Variants in SND1 observed in about 807,000 individuals in gnomAD.
SND1 encodes staphylococcal nuclease domain-containing protein 1.
Under a neutral mutation model 121.7 loss-of-function variants are expected in SND1, and 38 were observed. The observed-to-expected ratio is 0.31, with a 90% CI of 0.24 to 0.41. SND1 has a LOEUF of 0.41. SND1 is among the 10% of genes least tolerant of loss of function. The pLI is 1.00. For missense variants in SND1, 868 were observed against 1,184.6 expected, an observed-to-expected ratio of 0.73 and a Z score of 3.92; for synonymous variants, 401 against 447.4, an observed-to-expected ratio of 0.90 and a Z score of 1.31.
rs577252022 is a variant in SND1 at position 127,868,642 on chromosome 7, G to A, written c.1344-19260G>A. Among the ~76,000 whole-genome samples, 4 of 152,184 alleles carry A rather than the reference G, an allele frequency of 2.6e-5. No individual in the cohort carries two copies. The South Asian group carries it at 8.3e-4, about 32-fold the overall frequency. On this transcript the variant is annotated intron_variant, in intron 12 of 23. Transcript: ENST00000354725. The stretch of plus-strand genomic sequence containing the variant: ...GAGGTCCTTCAGGTCAAGTTAGTCC[G>A]CTTGGTATGATAGAACAGAAAATAT...
chr7:127,818,107 T>C (rs745797588), intron 11 of SND1, among the ~76,000 whole-genome samples: 1 of 152,184 alleles, frequency 6.6e-6, no homozygotes, highest in South Asian at 2.1e-4. Context: ...CATACTGTTA[T>C]ATAATAATAT....
intron 11 of SND1, among the ~76,000 whole-genome samples, chr7:127,821,705 GA>G (rs1294818675): frequency 3.0e-5 from 3 of 99,726 alleles, no homozygotes; most frequent in Non-Finnish European, 5.9e-5. Flanking sequence ...AATAGATGTA[GA>G]AAGGATGTGT....
At chr7:127,705,627 A>T (rs1458067163) in intron 8 of SND1, among the ~76,000 whole-genome samples, 1 of 131,460 alleles carries the variant, frequency 7.6e-6, no homozygotes, top group Non-Finnish European at 1.7e-5. Context: ...GTAGATGTAG[A>T]TGTAGATGTA....
At chr7:127,812,618 A>C (rs1452488770) in intron 11 of SND1, among the ~76,000 whole-genome samples, 1 of 152,130 alleles carries the variant, frequency 6.6e-6, no homozygotes, top group Non-Finnish European at 1.5e-5. Flanking sequence ...GTTGAGGGGC[A>C]CTGTAGGTGC....
At chr7:127,834,436 C>T (rs1026968727) in intron 11 of SND1, among the ~76,000 whole-genome samples, 1 of 152,104 alleles carries the variant, frequency 6.6e-6, no homozygotes, top group Non-Finnish European at 1.5e-5. Flanking sequence ...CACTGTTTTC[C>T]AAAACAATGA....
intron 16 of SND1, among the ~76,000 whole-genome samples, chr7:128,034,786 C>T (rs912838849): frequency 6.6e-6 from 1 of 152,228 alleles, no homozygotes; most frequent in Non-Finnish European, 1.5e-5. Flanking sequence ...AACCTACTAA[C>T]TGGACTACAG....
At chr7:127,745,124 G>C (rs1796956504) in intron 10 of SND1, among the ~76,000 whole-genome samples, 1 of 152,140 alleles carries the variant, frequency 6.6e-6, no homozygotes, top group South Asian at 2.1e-4. Flanking sequence ...ATGGGGATAC[G>C]TTCTTGAGAA....
chr7:128,031,316 C>G (rs1178277214), intron 16 of SND1, among the ~76,000 whole-genome samples: 1 of 144,862 alleles, frequency 6.9e-6, no homozygotes. Context: ...CCGGCCCGCT[C>G]TGCGGGCCGC....
At chr7:127,861,268 A>C (rs1584625014) in intron 12 of SND1, among the ~76,000 whole-genome samples, 1 of 152,308 alleles carries the variant, frequency 6.6e-6, no homozygotes, top group Middle Eastern at 3.4e-3. Flanking sequence ...CTTTTCAGGG[A>C]GAGATGTAAA....
intron 15 of SND1, among the ~76,000 whole-genome samples, chr7:127,974,580 G>C (rs1802071009): frequency 1.3e-5 from 2 of 152,156 alleles, no homozygotes; most frequent in Non-Finnish European, 2.9e-5. Flanking sequence ...TTAGGTGATT[G>C]AGCTTCTTCA....
chr7:127,868,163 G>A (rs1489952253), intron 12 of SND1, among the ~76,000 whole-genome samples: 4 of 152,286 alleles, frequency 2.6e-5, no homozygotes, highest in Admixed American at 1.3e-4. Flanking sequence ...AGACCAAGGT[G>A]GGTGAATCAC....
chr7:127,923,974 C>G (rs1433653328), intron 14 of SND1, among the ~76,000 whole-genome samples: 1 of 145,304 alleles, frequency 6.9e-6, no homozygotes, highest in Non-Finnish European at 1.5e-5. Context: ...ACGATTCGTT[C>G]TGATCTCCAC....
At chr7:127,694,587 C>A in intron 2 of SND1, 1 of 441,582 alleles carries the variant, frequency 2.3e-6, no homozygotes, top group Non-Finnish European at 4.0e-6. Context: ...CTGGAAAACT[C>A]TGAGGCCTGT....
At chr7:127,910,571 A>G (rs1182779910) in intron 14 of SND1, among the ~76,000 whole-genome samples, 1 of 152,120 alleles carries the variant, frequency 6.6e-6, no homozygotes, top group Non-Finnish European at 1.5e-5. Flanking sequence ...TTTTTCTTAT[A>G]TGTTTTCTGG....
intron 15 of SND1, 92 bp from the exon 16 acceptor site, chr7:127,990,855 G>C: frequency 1.3e-6 from 1 of 769,842 alleles, no homozygotes; most frequent in Non-Finnish European, 2.2e-6. Context: ...TGTAACGCCT[G>C]CTTCACTGGA....
chr7:127,888,243 A>G (rs1446865949), intron 13 of SND1, among the ~76,000 whole-genome samples: 1 of 152,104 alleles, frequency 6.6e-6, no homozygotes, highest in African/African-American at 2.4e-5. Flanking sequence ...ATAGGTATAT[A>G]TTAGATATGA....
At chr7:128,009,362 A>T (rs1204134289) in intron 16 of SND1, among the ~76,000 whole-genome samples, 1 of 152,172 alleles carries the variant, frequency 6.6e-6, no homozygotes, top group Non-Finnish European at 1.5e-5. Context: ...AGAGTGAATT[A>T]TGGGACCCTC....
intron 2 of SND1, among the ~76,000 whole-genome samples, chr7:127,693,056 A>G (rs1177310518): frequency 6.6e-6 from 1 of 152,230 alleles, no homozygotes; most frequent in South Asian, 2.1e-4. Flanking sequence ...GGAAAGCTCT[A>G]TGTTACTGAA....
chr7:128,078,942 A>G (rs1408696153), intron 17 of SND1, among the ~76,000 whole-genome samples: 1 of 152,218 alleles, frequency 6.6e-6, no homozygotes, highest in Non-Finnish European at 1.5e-5. Context: ...GATGCAGAGC[A>G]GAGGACGTGC....
Sources: gnomAD v4.1 joint callset for allele counts (sites outside exome capture counted in the v4.1 genomes callset) on GRCh38, gnomAD v4.1.1 for gene constraint, MANE v1.5 for transcripts, NCBI Gene and HGNC (gene_info 2026-07-23, HGNC 2026-07-21) for gene names.